Variants in LRSAM1 observed in about 807,000 individuals in gnomAD.
LRSAM1 encodes E3 ubiquitin-protein ligase LRSAM1.
A neutral mutation model predicts 118.1 loss-of-function variants in LRSAM1; 96 were observed. That is an observed-to-expected ratio of 0.81 (90% CI 0.69 to 0.96). The LOEUF is 0.96. Ranked by LOEUF, LRSAM1 falls within the 40% of genes least tolerant of loss-of-function variation. LRSAM1 has a pLI of 0.00. For synonymous variants in LRSAM1, 322 were observed against 364.2 expected (o/e 0.88, Z 1.32); for missense variants, 804 against 915.5 (o/e 0.88, Z 1.57).
At chr9:127,477,264 GT>G (rs1835376784) in intron 11 of LRSAM1, among the ~76,000 whole-genome samples, 1 of 152,062 alleles carries the variant, frequency 6.6e-6, no homozygotes, top group Non-Finnish European at 1.5e-5. Flanking sequence ...AGATGCTTTA[GT>G]TTTTTATACC....
At chr9:127,466,970 C>T (rs538510153) in intron 9 of LRSAM1, among the ~76,000 whole-genome samples, 1 of 152,226 alleles carries the variant, frequency 6.6e-6, no homozygotes, top group South Asian at 2.1e-4. Context: ...GCACTCCAGT[C>T]TGGGCAATGG....
intron 2 of LRSAM1, chr9:127,454,053 A>G: frequency 3.3e-6 from 1 of 299,262 alleles, no homozygotes; most frequent in Non-Finnish European, 6.5e-6. Flanking sequence ...CTCAATAGAA[A>G]GACGCAGCCC....
chr9:127,455,524 A>G, intron 4 of LRSAM1, 52 bp from the exon 5 acceptor site: 4 of 1,585,048 alleles, frequency 2.5e-6, no homozygotes, highest in Non-Finnish European at 3.5e-6. Context: ...TCAGAGAACA[A>G]GCTAAAAACT....
intron 24 of LRSAM1, among the ~76,000 whole-genome samples, chr9:127,499,537 A>AATATAT (rs1554762091): frequency 3.5e-5 from 4 of 115,184 alleles, no homozygotes; most frequent in South Asian, 2.4e-4. Context: ...TCTAAAAAAA[A>AATATAT]ATATATATAT....
At chr9:127,484,585 C>T (rs533724746) in intron 16 of LRSAM1, among the ~76,000 whole-genome samples, 1 of 150,674 alleles carries the variant, frequency 6.6e-6, no homozygotes, top group African/African-American at 2.4e-5. Flanking sequence ...GTCTCAAACT[C>T]CTGGGCTCAA....
At chr9:127,497,220 G>T (rs777111007) in intron 23 of LRSAM1, 33 bp from the exon 24 acceptor site, 76 of 1,610,646 alleles carry the variant, frequency 4.7e-5, no homozygotes, top group Non-Finnish European at 6.4e-5. Context: ...CTCCCGCCCA[G>T]GCCACAGTCT....
intron 24 of LRSAM1, 63 bp downstream of exon 24, chr9:127,497,397 G>C (rs1186167027): frequency 6.6e-6 from 10 of 1,504,210 alleles, no homozygotes; most frequent in Non-Finnish European, 9.2e-6. Context: ...GCTCTGGTGG[G>C]GACAGTCATT....
intron 15 of LRSAM1, among the ~76,000 whole-genome samples, chr9:127,482,322 T>C (rs1344486022): frequency 6.6e-6 from 1 of 152,016 alleles, no homozygotes; most frequent in East Asian, 1.9e-4. Flanking sequence ...TTTGTATTTT[T>C]AGTAGAGATG....
chr9:127,474,047 T>A, intron 11 of LRSAM1, 116 bp downstream of exon 11: 1 of 1,506,424 alleles, frequency 6.6e-7, no homozygotes, highest in African/African-American at 1.4e-5. Context: ...GCTCCCAGAT[T>A]CCTCCATAGA....
At chr9:127,489,310 A>T in intron 18 of LRSAM1, 134 bp from the exon 19 acceptor site, 1 of 1,058,394 alleles carries the variant, frequency 9.4e-7, no homozygotes, top group Non-Finnish European at 1.4e-6. Flanking sequence ...AAGTGAGGTG[A>T]AATCTTCTCC....
At chr9:127,463,288 G>A (rs1834817943) in intron 9 of LRSAM1, among the ~76,000 whole-genome samples, 1 of 151,794 alleles carries the variant, frequency 6.6e-6, no homozygotes, top group Non-Finnish European at 1.5e-5. Flanking sequence ...AGCACAGATT[G>A]TCTCAGGGAG....
chr9:127,473,348 C>T (rs1281119138), intron 10 of LRSAM1, among the ~76,000 whole-genome samples: 4 of 152,306 alleles, frequency 2.6e-5, no homozygotes, highest in Admixed American at 2.0e-4. Context: ...AGAGCACCTA[C>T]AAATCAACAG....
At chr9:127,480,005 C>T (rs1835479234) in intron 14 of LRSAM1, 27 bp downstream of exon 14, 2 of 1,614,078 alleles carry the variant, frequency 1.2e-6, no homozygotes, top group Admixed American at 1.7e-5. Flanking sequence ...CGGCCCCAGC[C>T]CCAGAGTCCT....
intron 11 of LRSAM1, among the ~76,000 whole-genome samples, chr9:127,476,941 T>C (rs895190602): frequency 3.9e-5 from 6 of 152,160 alleles, no homozygotes; most frequent in African/African-American, 1.4e-4. Context: ...CCTCCCAAAG[T>C]GCTGGGATTA....
At chr9:127,458,980 T>C in intron 6 of LRSAM1, 23 bp from the exon 7 acceptor site, 1 of 1,613,056 alleles carries the variant, frequency 6.2e-7, no homozygotes, top group South Asian at 1.1e-5. Flanking sequence ...ACTTGGAGAC[T>C]CACAGGGGTC....
rs1836455807 is a variant in LRSAM1 at position 127,502,952 on chromosome 9, C to T, written c.*53C>T. 7.1e-6 allele frequency: 11 copies of T among 1,553,356 alleles called. No individual in the cohort carries two copies. The highest frequency in any genetic ancestry group is 8.7e-6 in the Non-Finnish European group (10 of 1,150,044). On this transcript the variant is annotated 3_prime_UTR_variant, in exon 26 of 26. Transcript: ENST00000300417. ...CTAGCCCTGCCTCGGCCACTGTGAG[C>T]CCCGGGCTCCTGCTCAGCCTTGTGC...
At position 127,465,700 on chromosome 9, in the gene LRSAM1, G is replaced by A. The variant is rs868619192; in HGVS notation, c.529-2040G>A. Among the ~76,000 whole-genome samples, 1 of 152,228 alleles carries A rather than the reference G, an allele frequency of 6.6e-6. No homozygotes were observed. Among genetic ancestry groups the A allele is most frequent in the African/African-American group, 2.4e-5 (1 of 41,474 alleles). On this transcript the variant is annotated intron_variant, in intron 9 of 25. Coordinates refer to ENST00000300417, the MANE Select transcript of LRSAM1 (RefSeq NM_001005373.4). The surrounding 1 kb of genome is among the most constrained non-coding windows in gnomAD (Gnocchi z 4.1). ...CTACCCTTCCCACCCAGCCACTTGT[G>A]TTACAGCAAAATCAGAGCTTCCCAG...
In LRSAM1 at chr9:127,497,240, T is replaced by C. The variant is rs2132116158; in HGVS notation, c.1831-13T>C. On this transcript the variant is annotated splice_polypyrimidine_tract_variant and intron_variant, in intron 23 of 25. Coordinates refer to ENST00000300417, the MANE Select transcript of LRSAM1 (RefSeq NM_001005373.4). Reference sequence around the variant, plus strand: ...GCCCAGGCCACAGTCTGCACTTCCTTGAACTGTCACAGGTGGGCGTCTCAG... The same window carrying C: ...GCCCAGGCCACAGTCTGCACTTCCTCGAACTGTCACAGGTGGGCGTCTCAG... 4.3e-6 allele frequency: 7 copies of C among 1,612,840 alleles called. No homozygotes were observed. The highest frequency in any genetic ancestry group is 5.9e-6 in the Non-Finnish European group (7 of 1,179,798).
chr9:127,457,810 T>A (rs748949441), intron 6 of LRSAM1, among the ~76,000 whole-genome samples: 1 of 152,132 alleles, frequency 6.6e-6, no homozygotes, highest in Non-Finnish European at 1.5e-5. Flanking sequence ...AGGGTTGTTA[T>A]GCGCAGACCT....
Sources: gnomAD v4.1 joint callset for allele counts (sites outside exome capture counted in the v4.1 genomes callset) on GRCh38, gnomAD v4.1.1 for gene constraint, Gnocchi (gnomAD v3.1) non-coding constraint, MANE v1.5 for transcripts, NCBI Gene and HGNC (gene_info 2026-07-23, HGNC 2026-07-21) for gene names.